ADCYAP1R1: variants seen among roughly 807,000 people sequenced by gnomAD.
The protein encoded by ADCYAP1R1 is ADCYAP receptor type I.
A neutral mutation model predicts 67.6 loss-of-function variants in ADCYAP1R1; 44 were observed. That is an observed-to-expected ratio of 0.65 (90% CI 0.51 to 0.84). The LOEUF (loss-of-function observed/expected upper bound fraction) is 0.84. Among genes scored for constraint, ADCYAP1R1 ranks in the 40% least tolerant of loss-of-function variants. The pLI is 0.00. For synonymous variants in ADCYAP1R1, 222 were observed against 219.6 expected (o/e 1.01, Z -0.10); for missense variants, 477 against 587.9 (o/e 0.81, Z 1.95).
At chr7:31,058,144 G>T (rs1490813022) in intron 1 of ADCYAP1R1, among the ~76,000 whole-genome samples, 2 of 152,366 alleles carry the variant, frequency 1.3e-5, no homozygotes, top group East Asian at 3.9e-4. Context: ...GCCAGACGCT[G>T]GAGTGGGGCA....
chr7:31,081,562 C>T (rs973816057), intron 5 of ADCYAP1R1, 151 bp from the exon 6 acceptor site: 10 of 558,914 alleles, frequency 1.8e-5, no homozygotes, highest in African/African-American at 1.3e-4. Context: ...GAAAGGTGCG[C>T]GGCTGCTATG....
intron 3 of ADCYAP1R1, among the ~76,000 whole-genome samples, chr7:31,077,470 T>C (rs1020614520): frequency 8.9e-6 from 1 of 112,198 alleles, no homozygotes; most frequent in Non-Finnish European, 1.7e-5. Flanking sequence ...TGCATGTGTG[T>C]GGTGTGTGTA....
At position 31,106,524 on chromosome 7, in the gene ADCYAP1R1, G is replaced by C. The variant is rs766086000; in HGVS notation, c.1247G>C (p.Arg416Pro). ...EVQAEIKRKW[R>P]SWKVNRYFAV... is the part of the protein sequence containing the mutation. ...CAAGCGGAGATCAAGCGAAAATGGC[G>C]AAGCTGGAAGGTGAACCGTTACTTC... Residue 416 changes from arginine (R) to proline (P), a missense_variant, in exon 16 of 16, where the codon CGA (arginine) becomes CCA (proline). Transcript: ENST00000304166. 1 of 1,612,480 alleles carries C rather than the reference G, an allele frequency of 6.2e-7. No homozygotes were observed. The highest frequency in any genetic ancestry group is 1.1e-5 in the South Asian group (1 of 90,718).
intron 3 of ADCYAP1R1, among the ~76,000 whole-genome samples, chr7:31,076,217 T>A (rs1387347470): frequency 2.0e-5 from 3 of 152,188 alleles, no homozygotes; most frequent in African/African-American, 4.8e-5. Context: ...AGCACCTGCA[T>A]TCGGTCAGGG....
At chr7:31,105,280 G>C (rs182631553) in intron 15 of ADCYAP1R1, among the ~76,000 whole-genome samples, 106 of 152,374 alleles carry the variant, frequency 7.0e-4, no homozygotes, top group Admixed American at 1.7e-3. Context: ...ACAGGACATA[G>C]GACCTACAGG....
intron 14 of ADCYAP1R1, among the ~76,000 whole-genome samples, chr7:31,104,522 A>C (rs1796559568): frequency 6.6e-6 from 1 of 152,166 alleles, no homozygotes; most frequent in African/African-American, 2.4e-5. Flanking sequence ...AGAAGCCTGC[A>C]GGATGGTTAG....
chr7:31,103,559 A>C (rs1243437373), intron 14 of ADCYAP1R1, among the ~76,000 whole-genome samples, 193 bp downstream of exon 14: 1 of 152,178 alleles, frequency 6.6e-6, no homozygotes, highest in Non-Finnish European at 1.5e-5. Flanking sequence ...CCATCACTGC[A>C]TCTGAGTATC....
chr7:31,094,101 A>G (rs1796086105), intron 13 of ADCYAP1R1, among the ~76,000 whole-genome samples: 1 of 152,114 alleles, frequency 6.6e-6, no homozygotes, highest in African/African-American at 2.4e-5. Context: ...CTATACAATG[A>G]TTACATTACA....
intron 13 of ADCYAP1R1, among the ~76,000 whole-genome samples, chr7:31,098,292 T>C (rs1027240090): frequency 5.3e-5 from 8 of 152,240 alleles, no homozygotes. Context: ...CTATTTTAAT[T>C]ATTGAGAAAA....
rs146825128 is a variant in ADCYAP1R1, at chr7:31,074,374, A to G, written c.158-3617A>G. ...CCCTGGTGCATAGATGGTCCCTGGCACAAGGTAGGCACTCAGTAAATAGTT... is the reference window on the plus strand; with the variant it reads ...CCCTGGTGCATAGATGGTCCCTGGCGCAAGGTAGGCACTCAGTAAATAGTT... On this transcript the variant is annotated intron_variant, in intron 3 of 15. Transcript: ENST00000304166. 6.0e-3 allele frequency among the ~76,000 whole-genome samples: 907 copies of G among 152,308 alleles called. 10 individuals are homozygous for G. The highest frequency in any genetic ancestry group is 0.01 in the Non-Finnish European group (700 of 68,030).
intron 1 of ADCYAP1R1, among the ~76,000 whole-genome samples, chr7:31,058,675 C>T (rs1270182513): frequency 1.3e-5 from 2 of 152,148 alleles, no homozygotes; most frequent in Non-Finnish European, 2.9e-5. Context: ...AAGGAGGAAA[C>T]TAGATATAGA....
In ADCYAP1R1 at chr7:31,077,174, G is replaced by A. The variant is rs181303929; in HGVS notation, c.158-817G>A. On this transcript the variant is annotated intron_variant, in intron 3 of 15. Transcript: ENST00000304166. ...GCCTTTCCTCTCCTAAACCACTCCC[G>A]GCCCCCTGCAAGGGCCTGGCTTGTA... Among the ~76,000 whole-genome samples the A allele has an allele frequency of 3.3e-3, 498 of 152,282 alleles. 12 individuals carry two copies. The highest frequency in any genetic ancestry group is 0.019 in the East Asian group (100 of 5,184).
Position 31,106,785 on chromosome 7 carries a change from C to T in ADCYAP1R1, c.*101C>T. On this transcript the variant is annotated 3_prime_UTR_variant, in exon 16 of 16. Transcript: ENST00000304166. ...CGCCTCTTCCCTCCCCTTGGGCAGGCCCTGGGCTGGAAGCTTGGCTCCTGA... is the reference window on the plus strand; with the variant it reads ...CGCCTCTTCCCTCCCCTTGGGCAGGTCCTGGGCTGGAAGCTTGGCTCCTGA... 7.3e-7 allele frequency: 1 copy of T among 1,366,746 alleles called. No homozygotes were observed. Among genetic ancestry groups the T allele is most frequent in the East Asian group, 2.6e-5 (1 of 38,496 alleles). 84.7% of individuals were successfully genotyped at this position (1,366,746 alleles called of 1,614,324 possible). A position where few individuals can be genotyped will look rare whatever the true frequency, so the allele number is the denominator to read the frequency against.
At chr7:31,064,470 T>A (rs1794646132) in intron 2 of ADCYAP1R1, among the ~76,000 whole-genome samples, 1 of 152,178 alleles carries the variant, frequency 6.6e-6, no homozygotes, top group African/African-American at 2.4e-5. Flanking sequence ...ATGATAAAAA[T>A]AGTACTTCAT....
chr7:31,065,970 A>T (rs1020722394), intron 3 of ADCYAP1R1, among the ~76,000 whole-genome samples: 1 of 152,210 alleles, frequency 6.6e-6, no homozygotes, highest in African/African-American at 2.4e-5. Flanking sequence ...TTAACTGGTG[A>T]GGGAGCTACT....
In ADCYAP1R1 at chr7:31,079,080, C is replaced by T. The variant is rs577651219; in HGVS notation, c.265+982C>T. Among the ~76,000 whole-genome samples the T allele has an allele frequency of 3.9e-4, 60 of 152,242 alleles. 1 individual carries two copies. In the South Asian group the frequency reaches 8.1e-3, roughly 20 times the overall value. ...TAGGGTGAGGGCAGGGGAGAGAAGGCGATGCTCTACCCACAGGCAGAAGCC... is the reference window on the plus strand; with the variant it reads ...TAGGGTGAGGGCAGGGGAGAGAAGGTGATGCTCTACCCACAGGCAGAAGCC... On this transcript the variant is annotated intron_variant, in intron 4 of 15. Transcript: ENST00000304166.
intron 11 of ADCYAP1R1, 100 bp from the exon 12 acceptor site, chr7:31,087,527 G>A (rs1795799992): frequency 2.0e-6 from 2 of 1,024,314 alleles, no homozygotes; most frequent in Non-Finnish European, 1.5e-6. Context: ...AGCTGCGGTG[G>A]TGAAAGTGTC....
At chr7:31,097,814 T>TGC (rs1796261669) in intron 13 of ADCYAP1R1, among the ~76,000 whole-genome samples, 1 of 150,474 alleles carries the variant, frequency 6.6e-6, no homozygotes, top group African/African-American at 2.4e-5. Flanking sequence ...CAGATACAGT[T>TGC]GGGGGGGGGT....
At position 31,076,664 on chromosome 7, in the gene ADCYAP1R1, G is replaced by A. The variant is rs190523543; in HGVS notation, c.158-1327G>A. On this transcript the variant is annotated intron_variant, in intron 3 of 15. Coordinates refer to ENST00000304166, the MANE Select transcript of ADCYAP1R1 (RefSeq NM_001118.5). ...GGTCCTTTCACAATTCTTGCTTGGC[G>A]CGTGCAGGCTTCTGCCTGGCTGGCT... Among the ~76,000 whole-genome samples the A allele has an allele frequency of 5.3e-4, 80 of 152,248 alleles. 2 individuals carry two copies. In the South Asian group the frequency reaches 0.013, roughly 24 times the overall value.
Sources: allele counts gnomAD v4.1 joint callset (sites outside exome capture counted in the v4.1 genomes callset), GRCh38; gene constraint gnomAD v4.1.1; transcripts MANE v1.5; gene names NCBI Gene and HGNC (gene_info 2026-07-23, HGNC 2026-07-21).